The following MDGA2 variants were observed in gnomAD, a reference collection of about 807,000 sequenced individuals.
MDGA2 encodes MAM domain containing glycosylphosphatidylinositol anchor 2.
In MDGA2, 40 loss-of-function variants were observed where a neutral mutation model predicts 117.8. That is an observed-to-expected ratio of 0.34 (90% CI 0.26 to 0.44). The LOEUF is 0.44. Ranked by LOEUF, MDGA2 falls within the 20% of genes least tolerant of loss-of-function variation. The probability of loss-of-function intolerance (pLI) is 1.00; values close to 1 mark genes in which losing one functional copy is unlikely to be tolerated. For missense variants in MDGA2, 1,123 were observed against 1,250.6 expected, an observed-to-expected ratio of 0.90 and a Z score of 1.54; for synonymous variants, 452 against 439.0, an observed-to-expected ratio of 1.03 and a Z score of -0.37.
intron 1 of MDGA2, among the ~76,000 whole-genome samples, chr14:47,303,463 C>T (rs1889347251): frequency 6.6e-6 from 1 of 151,958 alleles, no homozygotes. Context: ...ATTAGAAATC[C>T]TTATCTTTGG....
rs571850967 is a variant in MDGA2 at position 47,131,745 on chromosome 14, C to T, written c.894G>A (p.Lys298=). Residue 298 remains lysine, a synonymous_variant, in exon 5 of 17, where the codon AAG becomes AAA. Transcript: ENST00000399232. ...SVRNVCNIPD[K]MVSFRLSNKT... ...TATTGGACAGTCTAAACGACACCAT[C>T]TTATCAGGAATATTACATACATTCC... 6.3e-7 allele frequency: 1 copy of T among 1,579,466 alleles called. No homozygotes were observed. The highest frequency in any genetic ancestry group is 8.7e-7 in the Non-Finnish European group (1 of 1,155,352).
intron 2 of MDGA2, among the ~76,000 whole-genome samples, chr14:47,239,686 G>T (rs1282464179): frequency 6.6e-6 from 1 of 151,212 alleles, no homozygotes; most frequent in African/African-American, 2.4e-5. Flanking sequence ...TTTTCCTTTG[G>T]GGAAAAAAAA....
chr14:46,895,451 C>A (rs907681461), intron 10 of MDGA2, among the ~76,000 whole-genome samples: 1 of 152,122 alleles, frequency 6.6e-6, no homozygotes, highest in Non-Finnish European at 1.5e-5. Context: ...GTTGGCCAGG[C>A]GCGGTGCCTC....
chr14:47,662,078 C>A (rs928192382), intron 1 of MDGA2, among the ~76,000 whole-genome samples: 4 of 152,012 alleles, frequency 2.6e-5, no homozygotes, highest in African/African-American at 9.7e-5. Flanking sequence ...AACCCATGAA[C>A]AATAGAAACA....
chr14:47,636,853 T>C (rs1397827289), intron 1 of MDGA2, among the ~76,000 whole-genome samples: 3 of 133,316 alleles, frequency 2.3e-5, no homozygotes, highest in Non-Finnish European at 4.6e-5. Context: ...GTGCCTGTAA[T>C]CCCAGCTACT....
At chr14:47,662,445 G>A (rs1233850199) in intron 1 of MDGA2, among the ~76,000 whole-genome samples, 4 of 152,052 alleles carry the variant, frequency 2.6e-5, no homozygotes, top group African/African-American at 9.7e-5. Context: ...TCTGGAAGAG[G>A]GAAGGTGGTT....
intron 1 of MDGA2, among the ~76,000 whole-genome samples, chr14:47,480,760 A>T (rs1893937483): frequency 6.6e-6 from 1 of 151,886 alleles, no homozygotes; most frequent in Non-Finnish European, 1.5e-5. Flanking sequence ...TCAGCAAAAT[A>T]TTTTTGTGGT....
chr14:47,238,527 T>TACAAA (rs926735449), intron 2 of MDGA2, among the ~76,000 whole-genome samples: 6 of 151,510 alleles, frequency 4.0e-5, no homozygotes, highest in African/African-American at 9.7e-5. Flanking sequence ...CTTACGTGCT[T>TACAAA]ACAAAACAAA....
At chr14:47,353,406 T>C (rs1277608525) in intron 1 of MDGA2, among the ~76,000 whole-genome samples, 2 of 152,194 alleles carry the variant, frequency 1.3e-5, no homozygotes, top group Non-Finnish European at 2.9e-5. Flanking sequence ...GGAAACATGA[T>C]CATTTCCTTG....
intron 2 of MDGA2, among the ~76,000 whole-genome samples, chr14:47,275,486 A>G (rs1248775910): frequency 6.6e-6 from 1 of 152,156 alleles, no homozygotes; most frequent in Non-Finnish European, 1.5e-5. Flanking sequence ...TAAAATAACA[A>G]TTACACAATT....
intron 3 of MDGA2, among the ~76,000 whole-genome samples, chr14:47,180,918 C>T (rs1312160021): frequency 6.6e-6 from 1 of 152,016 alleles, no homozygotes; most frequent in Non-Finnish European, 1.5e-5. Flanking sequence ...GAGACTTCCA[C>T]TCAAAACAAA....
chr14:47,061,189 GTTAAAC>G, intron 7 of MDGA2, 54 bp downstream of exon 7: 1 of 1,468,296 alleles, frequency 6.8e-7, no homozygotes, highest in South Asian at 1.3e-5. Context: ...TACTTGATCT[GTTAAAC>G]TTCAATCATT....
chr14:47,262,799 A>G (rs1431459835), intron 2 of MDGA2, among the ~76,000 whole-genome samples: 1 of 152,210 alleles, frequency 6.6e-6, no homozygotes, highest in Non-Finnish European at 1.5e-5. Context: ...TTGAAAGCTT[A>G]ATATCATTAT....
chr14:47,108,731 T>C (rs1005038610), intron 5 of MDGA2, among the ~76,000 whole-genome samples: 9 of 151,388 alleles, frequency 5.9e-5, no homozygotes, highest in South Asian at 2.1e-4. Flanking sequence ...TCACACAAAG[T>C]CTGTTTGGTG....
At chr14:47,155,832 T>C (rs937166308) in intron 3 of MDGA2, among the ~76,000 whole-genome samples, 3 of 150,886 alleles carry the variant, frequency 2.0e-5, no homozygotes, top group African/African-American at 4.9e-5. Flanking sequence ...CCCAAGGGTC[T>C]TGCGACATTT....
intron 1 of MDGA2, among the ~76,000 whole-genome samples, chr14:47,528,652 G>C (rs939804333): frequency 6.6e-6 from 1 of 152,094 alleles, no homozygotes; most frequent in African/African-American, 2.4e-5. Flanking sequence ...CATTTAACCA[G>C]TTTTTAAATG....
intron 9 of MDGA2, among the ~76,000 whole-genome samples, chr14:46,949,111 G>A (rs1416826183): frequency 1.3e-5 from 2 of 152,036 alleles, no homozygotes; most frequent in Non-Finnish European, 2.9e-5. Context: ...GCCATGGGAA[G>A]CAGATTTATC....
At chr14:47,066,472 G>T (rs1291380450) in intron 6 of MDGA2, among the ~76,000 whole-genome samples, 2 of 152,148 alleles carry the variant, frequency 1.3e-5, no homozygotes, top group African/African-American at 4.8e-5. Flanking sequence ...TGTGGGAACA[G>T]AATAACACTT....
At chr14:47,319,143 C>G (rs866128520) in intron 1 of MDGA2, among the ~76,000 whole-genome samples, 7 of 152,224 alleles carry the variant, frequency 4.6e-5, no homozygotes, top group Admixed American at 2.0e-4. Flanking sequence ...CCCGAGGTGT[C>G]ATATTATAAT....
Sources: allele counts gnomAD v4.1 joint callset (sites outside exome capture counted in the v4.1 genomes callset), GRCh38; gene constraint gnomAD v4.1.1; transcripts MANE v1.5; gene names NCBI Gene and HGNC (gene_info 2026-07-23, HGNC 2026-07-21).